Variants in TUSC3 observed in about 807,000 individuals in gnomAD.
TUSC3 encodes dolichyl-diphosphooligosaccharide--protein glycosyltransferase subunit TUSC3.
Under a neutral mutation model 44.8 loss-of-function variants are expected in TUSC3, and 45 were observed. The ratio of observed to expected loss-of-function variants is 1.00; its 90% CI spans 0.79 to 1.29. The LOEUF (loss-of-function observed/expected upper bound fraction) is 1.29. Ranked by LOEUF, TUSC3 falls within the 50% of genes most tolerant of loss-of-function variation. The pLI is 0.00. For synonymous variants in TUSC3, 212 were observed against 152.9 expected (o/e 1.39, Z -2.85); for missense variants, 519 against 437.9 (o/e 1.19, Z -1.65).
chr8:15,701,213 C>G (rs1809390863), intron 6 of TUSC3, among the ~76,000 whole-genome samples: 1 of 152,122 alleles, frequency 6.6e-6, no homozygotes, highest in Non-Finnish European at 1.5e-5. Context: ...CAATGTAAAA[C>G]CTTTTTATTC....
chr8:15,798,153 G>T, the TUSC3 span, among the ~76,000 whole-genome samples: 2 of 152,214 alleles, frequency 1.3e-5, no homozygotes, highest in African/African-American at 2.4e-5. Flanking sequence ...ATGGGACAAA[G>T]AAGTACAATC....
intron 1 of TUSC3, among the ~76,000 whole-genome samples, chr8:15,550,671 AG>A: frequency 6.6e-6 from 1 of 150,658 alleles, no homozygotes; most frequent in African/African-American, 2.4e-5. Context: ...TTAATTAGTT[AG>A]TTAATTATTT....
chr8:15,492,308 C>G (rs1023275043), intron 2 of TUSC3, among the ~76,000 whole-genome samples: 5 of 152,200 alleles, frequency 3.3e-5, no homozygotes, highest in Admixed American at 1.3e-4. Flanking sequence ...ACCCTCAGAT[C>G]AATAACATTT....
intron 1 of TUSC3, among the ~76,000 whole-genome samples, chr8:15,578,595 CTG>C (rs746177036): frequency 3.9e-4 from 57 of 147,990 alleles, no homozygotes; most frequent in Non-Finnish European, 7.0e-4. Context: ...GTCTTTGGCT[CTG>C]TTTATATGCT....
chr8:15,817,716 T>C, the TUSC3 span, among the ~76,000 whole-genome samples: 1 of 152,154 alleles, frequency 6.6e-6, no homozygotes, highest in Non-Finnish European at 1.5e-5. Context: ...GAACTGTGAG[T>C]CAATTAAACC....
intron 1 of TUSC3, among the ~76,000 whole-genome samples, chr8:15,611,046 A>G (rs1431798695): frequency 1.3e-5 from 2 of 152,186 alleles, no homozygotes; most frequent in African/African-American, 2.4e-5. Flanking sequence ...TAATTTCTCT[A>G]TTTCTCATTA....
At chr8:15,647,049 C>G (rs1399806131) in intron 2 of TUSC3, among the ~76,000 whole-genome samples, 1 of 152,082 alleles carries the variant, frequency 6.6e-6, no homozygotes, top group African/African-American at 2.4e-5. Context: ...TCTTCTTCTT[C>G]TCTTTTACAT....
intron 1 of TUSC3, among the ~76,000 whole-genome samples, chr8:15,603,524 A>G (rs1442912121): frequency 6.6e-6 from 1 of 151,670 alleles, no homozygotes; most frequent in South Asian, 2.1e-4. Flanking sequence ...ACTTCTTTGC[A>G]GAAAAATTTT....
chr8:15,566,221 A>T (rs948936468), intron 1 of TUSC3, among the ~76,000 whole-genome samples: 3 of 152,172 alleles, frequency 2.0e-5, no homozygotes, highest in Admixed American at 2.0e-4. Context: ...ACTAGACTAA[A>T]ACATAGAATT....
chr8:15,548,102 C>G (rs1411165907), intron 1 of TUSC3, among the ~76,000 whole-genome samples: 1 of 151,576 alleles, frequency 6.6e-6, no homozygotes, highest in Non-Finnish European at 1.5e-5. Context: ...CTTGGACTTC[C>G]AGCACCCAGA....
chr8:15,619,484 T>G (rs2129162704), intron 1 of TUSC3, among the ~76,000 whole-genome samples: 1 of 150,702 alleles, frequency 6.6e-6, no homozygotes, highest in South Asian at 2.1e-4. Flanking sequence ...GGAAAGAGTT[T>G]TATTCCATAT....
At chr8:15,629,146 G>A (rs999660023) in intron 2 of TUSC3, among the ~76,000 whole-genome samples, 14 of 152,124 alleles carry the variant, frequency 9.2e-5, no homozygotes, top group African/African-American at 2.9e-4. Context: ...GTGAGACTGT[G>A]GTAATATCTA....
At chr8:15,736,627 A>C (rs1288916200) in intron 7 of TUSC3, among the ~76,000 whole-genome samples, 2 of 152,192 alleles carry the variant, frequency 1.3e-5, no homozygotes, top group African/African-American at 2.4e-5. Flanking sequence ...TGTAATTACA[A>C]GTAGTGGTTT....
chr8:15,459,875 TATACATACATAC>T (rs139425502), intron 1 of TUSC3, among the ~76,000 whole-genome samples: 13 of 148,282 alleles, frequency 8.8e-5, no homozygotes, highest in Non-Finnish European at 1.5e-4. Context: ...TGTGTGTGTG[TATACATACATAC>T]ATACATACAT....
At chr8:15,835,297 C>T in the TUSC3 span, among the ~76,000 whole-genome samples, 77 of 151,972 alleles carry the variant, frequency 5.1e-4, no homozygotes, top group African/African-American at 1.7e-3. Flanking sequence ...TGTTATTTTT[C>T]CTGTAGCAAT....
At chr8:15,660,904 T>A (rs28479447) in intron 4 of TUSC3, among the ~76,000 whole-genome samples, 3,869 of 95,178 alleles carry the variant, frequency 0.041, 129 homozygotes, top group African/African-American at 0.12. Context: ...AAACTTTTGT[T>A]AAAAAAAAAA....
chr8:15,738,559 C>G (rs564088669), intron 7 of TUSC3, among the ~76,000 whole-genome samples: 20 of 152,178 alleles, frequency 1.3e-4, no homozygotes, highest in Admixed American at 4.6e-4. Flanking sequence ...CTCCATATGA[C>G]TTGCATAGCT....
At chr8:15,445,639 G>A (rs1214694349) in intron 1 of TUSC3, among the ~76,000 whole-genome samples, 1 of 152,194 alleles carries the variant, frequency 6.6e-6, no homozygotes, top group Admixed American at 6.5e-5. Flanking sequence ...TGGGGGTAAG[G>A]TTATAGATTA....
intron 1 of TUSC3, among the ~76,000 whole-genome samples, chr8:15,451,300 G>C (rs913789775): frequency 3.9e-5 from 6 of 152,106 alleles, no homozygotes; most frequent in East Asian, 1.9e-4. Context: ...GTGTGTTTCT[G>C]TATGCTAATG....
Sources: gnomAD v4.1 joint callset for allele counts (sites outside exome capture counted in the v4.1 genomes callset) on GRCh38, gnomAD v4.1.1 for gene constraint, MANE v1.5 for transcripts, NCBI Gene and HGNC (gene_info 2026-07-23, HGNC 2026-07-21) for gene names.